The following ERI1 variants were observed in gnomAD, a reference collection of about 807,000 sequenced individuals.
ERI1 encodes the protein exoribonuclease 1.
In ERI1, 39 loss-of-function variants were observed where a neutral mutation model predicts 39.7. The ratio of observed to expected loss-of-function variants is 0.98; its 90% confidence interval spans 0.76 to 1.28. The LOEUF (loss-of-function observed/expected upper bound fraction) is 1.28. Among genes scored for constraint, ERI1 ranks in the 50% most tolerant of loss-of-function variants. ERI1 has a pLI of 0.00. For synonymous variants in ERI1, 204 were observed against 149.6 expected, an observed-to-expected ratio of 1.36 and a Z score of -2.65; for missense variants, 581 against 416.9, an observed-to-expected ratio of 1.39 and a Z score of -3.43.
intron 3 of ERI1, among the ~76,000 whole-genome samples, chr8:9,066,147 A>G (rs912984838): frequency 9.2e-5 from 14 of 151,738 alleles, no homozygotes; most frequent in African/African-American, 2.9e-4. Context: ...CCTTGCCTCC[A>G]CCTTCTTCCT....
chr8:9,067,908 G>C (rs1388116833), intron 3 of ERI1, among the ~76,000 whole-genome samples: 1 of 149,390 alleles, frequency 6.7e-6, no homozygotes, highest in East Asian at 1.9e-4. Context: ...TGAGCACAGA[G>C]AGTTATGCTA....
At chr8:9,009,017 C>A (rs1014639784) in intron 2 of ERI1, 1 of 456,150 alleles carries the variant, frequency 2.2e-6, no homozygotes, top group Non-Finnish European at 4.4e-6. Flanking sequence ...TTCCCCGATT[C>A]TTTCTGTTAT....
At chr8:9,004,485 C>CTTGTTTTTTTTTTTTTT (rs1815744662) in intron 1 of ERI1, among the ~76,000 whole-genome samples, 4 of 78,328 alleles carry the variant, frequency 5.1e-5, no homozygotes, top group African/African-American at 2.0e-4. Context: ...TATAGTGATA[C>CTTGTTTTTTTTTTTTTT]TTTTTTTTTT....
chr8:9,010,884 C>G (rs923252411), intron 2 of ERI1, among the ~76,000 whole-genome samples: 10 of 152,150 alleles, frequency 6.6e-5, no homozygotes, highest in African/African-American at 2.4e-4. Flanking sequence ...AAATCATATT[C>G]TACCCATGAT....
intron 3 of ERI1, among the ~76,000 whole-genome samples, chr8:9,060,106 C>T (rs896358912): frequency 9.2e-5 from 14 of 152,156 alleles, no homozygotes; most frequent in Non-Finnish European, 1.9e-4. Context: ...TCCGTTCTAC[C>T]TTTCCTGAAT....
chr8:9,024,025 G>A (rs564632582), intron 6 of ERI1, among the ~76,000 whole-genome samples: 27 of 152,024 alleles, frequency 1.8e-4, no homozygotes, highest in African/African-American at 6.3e-4. Context: ...TGGTCTTGAA[G>A]TCCCAACCTT....
At position 9,030,532 on chromosome 8, in the gene ERI1, A is replaced by G; in HGVS notation, c.*498A>G. 1 of 157,924 alleles carries G rather than the reference A, an allele frequency of 6.3e-6. No homozygotes were observed. Among genetic ancestry groups the G allele is most frequent in the South Asian group, 1.8e-4 (1 of 5,652 alleles). 9.8% of individuals were successfully genotyped at this position (157,924 alleles called of 1,614,324 possible). Reference sequence around the variant, plus strand: ...AGTTTATATGTGAAGTTCACCATGTATGTGGTGAATTTCGTAAGGTACTTG... The same window carrying G: ...AGTTTATATGTGAAGTTCACCATGTGTGTGGTGAATTTCGTAAGGTACTTG... On this transcript the variant is annotated 3_prime_UTR_variant, in exon 7 of 7. Coordinates refer to ENST00000250263, the MANE Select transcript of ERI1 (RefSeq NM_153332.4).
intron 3 of ERI1, among the ~76,000 whole-genome samples, chr8:9,078,380 C>G (rs953545983): frequency 1.3e-5 from 2 of 151,942 alleles, no homozygotes; most frequent in Non-Finnish European, 2.9e-5. Flanking sequence ...AGTATTACCT[C>G]CCTGGGAGAG....
At chr8:9,011,506 T>TTACC in intron 2 of ERI1, 36 bp from the exon 3 acceptor site, 1 of 1,437,896 alleles carries the variant, frequency 7.0e-7, no homozygotes, top group Non-Finnish European at 9.5e-7. Context: ...ACTGTAGAAT[T>TTACC]TACCTAAGTG....
At chr8:9,050,553 GAA>G (rs1798326401) in intron 3 of ERI1, among the ~76,000 whole-genome samples, 1 of 151,688 alleles carries the variant, frequency 6.6e-6, no homozygotes, top group African/African-American at 2.4e-5. Context: ...AGCTAGAACA[GAA>G]AAAGAGATTT....
chr8:9,009,061 C>T (rs546212652), intron 2 of ERI1: 53 of 456,182 alleles, frequency 1.2e-4, no homozygotes, highest in South Asian at 7.7e-4. Context: ...GAAGATTTTC[C>T]GAGCAAAATT....
At chr8:9,036,970 C>A (rs751824335), downstream of ERI1, among the ~76,000 whole-genome samples, 1 of 152,178 alleles carries the variant, frequency 6.6e-6, no homozygotes, top group Non-Finnish European at 1.5e-5. Flanking sequence ...CCTTTTAGCA[C>A]AATGTCCTTT....
chr8:9,045,438 C>T (rs529894038), intron 3 of ERI1, among the ~76,000 whole-genome samples: 1 of 151,806 alleles, frequency 6.6e-6, no homozygotes, highest in Admixed American at 6.6e-5. Context: ...AATAGGCAGG[C>T]TCTCATTAGA....
intron 3 of ERI1, among the ~76,000 whole-genome samples, chr8:9,065,325 G>T (rs1351324504): frequency 6.6e-6 from 1 of 152,084 alleles, no homozygotes; most frequent in Non-Finnish European, 1.5e-5. Context: ...GATGAACTTG[G>T]TCACACCACA....
intron 3 of ERI1, among the ~76,000 whole-genome samples, chr8:9,066,665 G>A (rs1798889523): frequency 6.6e-6 from 1 of 152,134 alleles, no homozygotes; most frequent in Admixed American, 6.5e-5. Flanking sequence ...TTTAAAGGAA[G>A]GGACATACTT....
At chr8:9,004,669 A>G (rs541933577) in intron 1 of ERI1, among the ~76,000 whole-genome samples, 1 of 150,904 alleles carries the variant, frequency 6.6e-6, no homozygotes, top group African/African-American at 2.4e-5. Flanking sequence ...GTCTCAAAAA[A>G]TAATAGTAAT....
chr8:9,099,611 AAAAAG>A (rs1171934887), intron 3 of ERI1, among the ~76,000 whole-genome samples: 4 of 151,894 alleles, frequency 2.6e-5, no homozygotes, highest in African/African-American at 7.2e-5. Context: ...AAAAAAAAAA[AAAAAG>A]AAAGAAACAG....
At chr8:9,041,984 T>G (rs1798037922) in intron 3 of ERI1, among the ~76,000 whole-genome samples, 1 of 152,198 alleles carries the variant, frequency 6.6e-6, no homozygotes, top group Non-Finnish European at 1.5e-5. Flanking sequence ...TCCTCCCACC[T>G]TGGCCTCCCA....
rs75787229 is a variant in ERI1 at position 9,021,853 on chromosome 8, A to G, written c.807+1389A>G. 3.4e-3 allele frequency among the ~76,000 whole-genome samples: 493 copies of G among 143,310 alleles called. 2 individuals carry two copies. The highest frequency in any genetic ancestry group is 5.4e-3 in the Non-Finnish European group (359 of 66,442). The allele number at this position is 143,310 out of a possible 152,430, so 94.0% of individuals were successfully genotyped here. ...ACTGCAGTTCATTCACTTTATTGCT[A>G]TTAATTCCATTGTGTGACTATACCA... On this transcript the variant is annotated intron_variant, in intron 6 of 6. Transcript: ENST00000250263.
Sources: gnomAD v4.1 joint callset for allele counts (sites outside exome capture counted in the v4.1 genomes callset) on GRCh38, gnomAD v4.1.1 for gene constraint, MANE v1.5 for transcripts, NCBI Gene and HGNC (gene_info 2026-07-23, HGNC 2026-07-21) for gene names.